Variants in ATRNL1 observed in about 807,000 individuals in gnomAD.
ATRNL1 encodes attractin-like protein 1.
Under a neutral mutation model 182.7 loss-of-function variants are expected in ATRNL1, and 95 were observed. The ratio of observed to expected loss-of-function variants is 0.52; its 90% CI spans 0.44 to 0.62. ATRNL1 has a LOEUF of 0.62. ATRNL1 is among the 20% of genes least tolerant of loss of function. The probability of loss-of-function intolerance (pLI) is 0.00; values close to 1 mark genes in which losing one functional copy is unlikely to be tolerated. For synonymous variants in ATRNL1, 576 were observed against 568.3 expected, an observed-to-expected ratio of 1.01 and a Z score of -0.19; for missense variants, 1,471 against 1,679.5, an observed-to-expected ratio of 0.88 and a Z score of 2.17.
At chr10:115,112,573 A>C (rs66569566) in intron 1 of ATRNL1, among the ~76,000 whole-genome samples, 1 of 152,190 alleles carries the variant, frequency 6.6e-6, no homozygotes, top group Non-Finnish European at 1.5e-5. Context: ...AATTGAAGCA[A>C]GAGCAAACAT....
At chr10:115,468,446 G>T (rs1848158920) in intron 23 of ATRNL1, among the ~76,000 whole-genome samples, 1 of 150,592 alleles carries the variant, frequency 6.6e-6, no homozygotes, top group Non-Finnish European at 1.5e-5. Context: ...TGGAATAAGT[G>T]GTTAGTTAAA....
Position 115,388,382 on chromosome 10 carries a change from G to A in ATRNL1, c.3176-6277G>A, listed in dbSNP as rs149980325. On this transcript the variant is annotated intron_variant, in intron 19 of 28. Transcript: ENST00000355044. ...GACTTTTAGCTTTGGTACTAAAAAG[G>A]TCTTTGTCATATTTAATGCTTTTTT... Among the ~76,000 whole-genome samples, 369 of 152,162 alleles carry A rather than the reference G, an allele frequency of 2.4e-3. 1 individual carries two copies. Among genetic ancestry groups the A allele is most frequent in the Middle Eastern group, 0.01 (3 of 294 alleles).
At chr10:115,236,138 C>G (rs185433934) in intron 9 of ATRNL1, among the ~76,000 whole-genome samples, 1 of 152,260 alleles carries the variant, frequency 6.6e-6, no homozygotes, top group East Asian at 1.9e-4. Flanking sequence ...CCTTTACCTT[C>G]TGCACAAACA....
chr10:115,778,802 T>C (rs782648037), intron 27 of ATRNL1, among the ~76,000 whole-genome samples: 13 of 152,026 alleles, frequency 8.6e-5, no homozygotes, highest in Non-Finnish European at 1.8e-4. Context: ...GTAGGAGGAA[T>C]TGGAGGAAGA....
chr10:115,880,529 G>A (rs1951803113), intron 28 of ATRNL1, among the ~76,000 whole-genome samples: 1 of 152,168 alleles, frequency 6.6e-6, no homozygotes, highest in Non-Finnish European at 1.5e-5. Context: ...TTGGGAGGCT[G>A]AGGAGAATCG....
At chr10:115,559,467 C>T (rs536183821) in intron 26 of ATRNL1, among the ~76,000 whole-genome samples, 10 of 151,948 alleles carry the variant, frequency 6.6e-5, no homozygotes, top group Admixed American at 3.9e-4. Flanking sequence ...CACGCACATG[C>T]GCAACCCTTC....
intron 19 of ATRNL1, among the ~76,000 whole-genome samples, chr10:115,364,180 C>T (rs1217214700): frequency 7.1e-6 from 1 of 140,360 alleles, no homozygotes; most frequent in Non-Finnish European, 1.6e-5. Context: ...TTGTTTGTAT[C>T]CTCTTTTATT....
At chr10:115,749,321 C>G (rs1287681108) in intron 27 of ATRNL1, among the ~76,000 whole-genome samples, 1 of 151,756 alleles carries the variant, frequency 6.6e-6, no homozygotes, top group African/African-American at 2.4e-5. Flanking sequence ...CTCACTAATT[C>G]TTTTTATTCT....
intron 26 of ATRNL1, among the ~76,000 whole-genome samples, chr10:115,616,457 A>C (rs1478536460): frequency 1.3e-5 from 2 of 152,160 alleles, no homozygotes; most frequent in Non-Finnish European, 2.9e-5. Context: ...AGGGGGATTC[A>C]AGTGGACTGC....
chr10:115,234,592 CTT>C (rs554861467), intron 9 of ATRNL1, among the ~76,000 whole-genome samples: 22 of 133,776 alleles, frequency 1.6e-4, no homozygotes, highest in East Asian at 4.4e-4. Flanking sequence ...TTTTCTTTTT[CTT>C]TTTTTTTTTT....
At chr10:115,137,739 T>A (rs1280381680) in intron 5 of ATRNL1, among the ~76,000 whole-genome samples, 1 of 152,140 alleles carries the variant, frequency 6.6e-6, no homozygotes, top group Non-Finnish European at 1.5e-5. Context: ...AAGATGAGAT[T>A]TGGGTGGGGA....
At chr10:115,883,219 A>C (rs530657455) in intron 28 of ATRNL1, among the ~76,000 whole-genome samples, 7 of 152,348 alleles carry the variant, frequency 4.6e-5, no homozygotes, top group African/African-American at 1.7e-4. Flanking sequence ...TCCAGTCTGC[A>C]AGCTCCAATG....
chr10:115,125,648 A>G (rs1367688408), intron 3 of ATRNL1, among the ~76,000 whole-genome samples: 1 of 152,168 alleles, frequency 6.6e-6, no homozygotes, highest in Non-Finnish European at 1.5e-5. Context: ...CTCAATCCAA[A>G]CTCAGATACT....
chr10:115,333,123 A>C (rs1376504848), intron 18 of ATRNL1, among the ~76,000 whole-genome samples: 1 of 152,012 alleles, frequency 6.6e-6, no homozygotes, highest in Non-Finnish European at 1.5e-5. Context: ...GGCTTTCCTC[A>C]TGGAGTGAGA....
chr10:115,436,811 T>C lies in ATRNL1; in HGVS notation c.3322+10509T>C, dbSNP rs187404222. Among the ~76,000 whole-genome samples, 3 of 152,260 alleles carry C rather than the reference T, an allele frequency of 2.0e-5. No individual in the cohort carries two copies. In the East Asian group the frequency reaches 5.8e-4, roughly 29 times the overall value. ...ACATTTACTTATTGACTAGCTACTT[T>C]GTTAGACTCCATGGATAACAAAGTG... On this transcript the variant is annotated intron_variant, in intron 21 of 28. Coordinates refer to ENST00000355044, the MANE Select transcript of ATRNL1 (RefSeq NM_207303.4).
At chr10:115,543,994 A>G (rs546217332) in intron 25 of ATRNL1, among the ~76,000 whole-genome samples, 2 of 151,776 alleles carry the variant, frequency 1.3e-5, no homozygotes, top group African/African-American at 4.8e-5. Flanking sequence ...ATTATCGTAC[A>G]GCATATTTTT....
At chr10:115,735,229 T>C (rs1326898970) in intron 27 of ATRNL1, among the ~76,000 whole-genome samples, 1 of 152,206 alleles carries the variant, frequency 6.6e-6, no homozygotes, top group African/African-American at 2.4e-5. Context: ...TAATAAACTC[T>C]CTTAGTCTTT....
chr10:115,285,222 C>T (rs1239319082), intron 14 of ATRNL1, among the ~76,000 whole-genome samples: 1 of 151,740 alleles, frequency 6.6e-6, no homozygotes, highest in Non-Finnish European at 1.5e-5. Flanking sequence ...TTAAAGTTAC[C>T]ATTTTTAATT....
At chr10:115,909,269 G>T (rs910521734) in intron 28 of ATRNL1, 2 of 151,886 alleles carry the variant, frequency 1.3e-5, no homozygotes, top group East Asian at 1.9e-4. Context: ...ATCCTCCTCC[G>T]CATATTCCTT....
Sources: allele counts gnomAD v4.1 joint callset (sites outside exome capture counted in the v4.1 genomes callset), GRCh38; gene constraint gnomAD v4.1.1; transcripts MANE v1.5; gene names NCBI Gene and HGNC (gene_info 2026-07-23, HGNC 2026-07-21).